Variants in DNAJC3 observed in about 807,000 individuals in gnomAD.
The protein encoded by DNAJC3 is dnaJ homolog subfamily C member 3.
In DNAJC3, 38 loss-of-function variants were observed where a neutral mutation model predicts 68.6. That is an observed-to-expected ratio of 0.55 (90% CI 0.43 to 0.73). DNAJC3 has a LOEUF of 0.73. Ranked by LOEUF, DNAJC3 falls within the 30% of genes least tolerant of loss-of-function variation. The pLI, the probability that DNAJC3 is intolerant of heterozygous loss-of-function variation, is 0.00. For missense variants in DNAJC3, 526 were observed against 591.9 expected, an observed-to-expected ratio of 0.89 and a Z score of 1.16; for synonymous variants, 203 against 204.0, an observed-to-expected ratio of 1.00 and a Z score of 0.04.
At chr13:95,721,644 T>G (rs1881327205) in intron 2 of DNAJC3, among the ~76,000 whole-genome samples, 1 of 152,048 alleles carries the variant, frequency 6.6e-6, no homozygotes, top group Admixed American at 6.5e-5. Context: ...GTGTGTGTTT[T>G]TTTTTTTTTG....
Position 95,764,381 on chromosome 13 carries a change from A to C in DNAJC3, c.1075+428A>C, listed in dbSNP as rs201678817. ...TCTCTCTCTCTCTCTCTCTCTATAT[A>C]TATATATATATATACTCGGTGTGTA... is the stretch of plus-strand genomic sequence containing the variant. On this transcript the variant is annotated intron_variant, in intron 9 of 11. Coordinates refer to ENST00000602402, the MANE Select transcript of DNAJC3 (RefSeq NM_006260.5). Among the ~76,000 whole-genome samples the C allele has an allele frequency of 1.1e-3, 158 of 140,358 alleles. 1 individual carries two copies. Among genetic ancestry groups the C allele is most frequent in the East Asian group, 9.5e-3 (47 of 4,964 alleles). 92.1% of individuals were successfully genotyped at this position (140,358 alleles called of 152,430 possible). A position where few individuals can be genotyped will look rare whatever the true frequency, so the allele number is the denominator to read the frequency against.
At chr13:95,688,786 G>A (rs1027701762) in intron 1 of DNAJC3, among the ~76,000 whole-genome samples, 1 of 152,120 alleles carries the variant, frequency 6.6e-6, no homozygotes, top group Non-Finnish European at 1.5e-5. Context: ...ACAGGTGTGA[G>A]CCACTGTGCT....
At chr13:95,761,610 C>A (rs960220803) in intron 7 of DNAJC3, among the ~76,000 whole-genome samples, 1 of 152,220 alleles carries the variant, frequency 6.6e-6, no homozygotes, top group East Asian at 1.9e-4. Context: ...TCCATCCCAA[C>A]AAGGACACCT....
intron 9 of DNAJC3, 106 bp downstream of exon 9, chr13:95,764,059 T>C: frequency 6.7e-7 from 1 of 1,495,810 alleles, no homozygotes; most frequent in South Asian, 1.3e-5. Context: ...TACCTGGAAA[T>C]GTTGACAATT....
chr13:95,788,436 G>A (rs1335277702), intron 11 of DNAJC3, among the ~76,000 whole-genome samples: 3 of 152,192 alleles, frequency 2.0e-5, no homozygotes, highest in Non-Finnish European at 4.4e-5. Flanking sequence ...AGAGCTGCAG[G>A]TCCTTTTTCT....
intron 4 of DNAJC3, among the ~76,000 whole-genome samples, chr13:95,728,142 T>C (rs1324027651): frequency 6.6e-6 from 1 of 152,240 alleles, no homozygotes; most frequent in African/African-American, 2.4e-5. Flanking sequence ...TTCTTGGCTA[T>C]TGCAAATAAA....
rs1394626189 is a variant in DNAJC3 at position 95,714,490 on chromosome 13, C to T, written c.193+5153C>T. Among the ~76,000 whole-genome samples, 7 of 150,874 alleles carry T rather than the reference C, an allele frequency of 4.6e-5. No individual in the cohort carries two copies. The East Asian group carries it at 1.2e-3, about 25-fold the overall frequency. ...ATTTTTGTGTCTCTGAAAATTAAGG[C>T]TTTTCTAAAAACAGGTTTGCTATAA... On this transcript the variant is annotated intron_variant, in intron 2 of 11. Transcript: ENST00000602402.
chr13:95,687,214 C>T (rs1023517908), intron 1 of DNAJC3, among the ~76,000 whole-genome samples: 2 of 151,958 alleles, frequency 1.3e-5, no homozygotes, highest in African/African-American at 2.4e-5. Flanking sequence ...GATTTTTATA[C>T]CATGGTTTTG....
In DNAJC3 at chr13:95,714,412, TAA is replaced by T. The variant is rs58381820; in HGVS notation, c.193+5091_193+5092del. ...TCCTTCTCTGTCTTGCTTTTTTTCT[TAA>T]AAAAAAAAAAAAAAAGGTGCAGTAG... is the stretch of plus-strand genomic sequence containing the variant. On this transcript the variant is annotated intron_variant, in intron 2 of 11. Transcript: ENST00000602402. Among the ~76,000 whole-genome samples the T allele has an allele frequency of 1.2e-3, 169 of 135,242 alleles. 1 individual carries two copies. The highest frequency in any genetic ancestry group is 7.5e-3 in the Middle Eastern group (2 of 268). The allele number at this position is 135,242 out of a possible 152,430, so 88.7% of individuals were successfully genotyped here. A position where few individuals can be genotyped will look rare whatever the true frequency, so the allele number is the denominator to read the frequency against.
chr13:95,760,950 C>T lies in DNAJC3; in HGVS notation c.848+152C>T, dbSNP rs955130423. ...CCTTAGCAAAACTACCAGAATTGGA[C>T]ATTTTTGGAATAGGGAAGAATATAA... On this transcript the variant is annotated intron_variant, in intron 7 of 11. Coordinates refer to ENST00000602402, the MANE Select transcript of DNAJC3 (RefSeq NM_006260.5). The T allele has an allele frequency of 2.8e-6, 3 of 1,079,084 alleles. No individual in the cohort carries two copies. In the African/African-American group the frequency reaches 4.9e-5, roughly 18 times the overall value. 66.8% of individuals were successfully genotyped at this position (1,079,084 alleles called of 1,614,324 possible).
intron 2 of DNAJC3, among the ~76,000 whole-genome samples, chr13:95,720,169 G>A (rs990629936): frequency 3.3e-5 from 5 of 152,212 alleles, no homozygotes; most frequent in Admixed American, 6.5e-5. Flanking sequence ...TTGAGAGAAG[G>A]AAAGGTTTAT....
chr13:95,785,805 T>G (rs9556498), intron 9 of DNAJC3, 134 bp from the exon 10 acceptor site: 40,241 of 723,208 alleles, frequency 0.056, 1,804 homozygotes, highest in East Asian at 0.19. Flanking sequence ...GGGTATCACT[T>G]AAGGTTTTTG....
intron 11 of DNAJC3, 52 bp downstream of exon 11, chr13:95,787,207 G>A (rs750714045): frequency 2.7e-5 from 43 of 1,577,238 alleles, no homozygotes; most frequent in Middle Eastern, 1.7e-4. Context: ...TGTTAGAAGC[G>A]AGGGTGGAAC....
intron 11 of DNAJC3, among the ~76,000 whole-genome samples, chr13:95,788,615 G>GT (rs759692577): frequency 3.3e-5 from 5 of 152,122 alleles, no homozygotes; most frequent in Non-Finnish European, 5.9e-5. Context: ...CTTGGCTATA[G>GT]TTTTTTCTCA....
chr13:95,769,361 T>C lies in DNAJC3; in HGVS notation c.1075+5408T>C, dbSNP rs147563589. Among the ~76,000 whole-genome samples, 374 of 152,324 alleles carry C rather than the reference T, an allele frequency of 2.5e-3. 10 individuals carry two copies. Among genetic ancestry groups the C allele is most frequent in the Admixed American group, 0.02 (307 of 15,300 alleles). Reference sequence around the variant, plus strand: ...AGGTTGTTAACCAGGGGTTCCTGGCTTCTGTTTATGTGGAGGACAAGGGGT... The same window carrying C: ...AGGTTGTTAACCAGGGGTTCCTGGCCTCTGTTTATGTGGAGGACAAGGGGT... On this transcript the variant is annotated intron_variant, in intron 9 of 11. Transcript: ENST00000602402.
chr13:95,689,603 C>G (rs748585276), intron 1 of DNAJC3, among the ~76,000 whole-genome samples: 43 of 150,130 alleles, frequency 2.9e-4, no homozygotes, highest in Non-Finnish European at 5.3e-4. Context: ...TCATTTAGTT[C>G]ATTCTGATCT....
chr13:95,734,302 G>GTT (rs919169606), intron 4 of DNAJC3, among the ~76,000 whole-genome samples: 2 of 152,146 alleles, frequency 1.3e-5, no homozygotes, highest in Non-Finnish European at 2.9e-5. Context: ...GTGTAGTATT[G>GTT]TTGGTTGACA....
At chr13:95,690,116 G>C (rs1880188973) in intron 1 of DNAJC3, among the ~76,000 whole-genome samples, 1 of 151,796 alleles carries the variant, frequency 6.6e-6, no homozygotes, top group Non-Finnish European at 1.5e-5. Flanking sequence ...GGTTTTCCTA[G>C]GCAGAGGACC....
At chr13:95,677,415 C>A in intron 1 of DNAJC3, 78 bp downstream of exon 1, 1 of 1,453,960 alleles carries the variant, frequency 6.9e-7, no homozygotes, top group Non-Finnish European at 9.3e-7. Flanking sequence ...CGCCCGGGCG[C>A]CTGTCCCGGA....
Sources: gnomAD v4.1 joint callset for allele counts (sites outside exome capture counted in the v4.1 genomes callset) on GRCh38, gnomAD v4.1.1 for gene constraint, MANE v1.5 for transcripts, NCBI Gene and HGNC (gene_info 2026-07-23, HGNC 2026-07-21) for gene names.